VPS13B: variants seen among roughly 807,000 people sequenced by gnomAD.
The protein encoded by VPS13B is intermembrane lipid transfer protein VPS13B.
In VPS13B, 285 loss-of-function variants were observed where a neutral mutation model predicts 426.4. The ratio of observed to expected loss-of-function variants is 0.67; its 90% CI spans 0.61 to 0.74. The LOEUF is 0.74. VPS13B is among the 30% of genes least tolerant of loss of function. The pLI is 0.00. For missense variants in VPS13B, 4,537 were observed against 4,782.6 expected (o/e 0.95, Z 1.51); for synonymous variants, 1,676 against 1,676.4 (o/e 1.00, Z 0.01).
In VPS13B at chr8:99,832,366, T is replaced by TTTTTTTTTTTTC; in HGVS notation, c.9331-3_9331-2insTTTTTTTTTTTC. 6.8e-7 allele frequency: 1 copy of TTTTTTTTTTTTC among 1,462,310 alleles called. No homozygotes were observed. The highest frequency in any genetic ancestry group is 9.0e-7 in the Non-Finnish European group (1 of 1,105,360). 90.6% of individuals were successfully genotyped at this position (1,462,310 alleles called of 1,614,324 possible). On this transcript the variant is annotated splice_region_variant and splice_polypyrimidine_tract_variant and intron_variant, in intron 51 of 61. Transcript: ENST00000357162. ...ATTTTTTTTTTTTTTTTTTTTTTTT[T>TTTTTTTTTTTTC]AGTATTTTCGTGTTCCAGACAGTGC...
chr8:99,873,879 G>A (rs146229960), intron 61 of VPS13B, among the ~76,000 whole-genome samples: 332 of 152,266 alleles, frequency 2.2e-3, no homozygotes, highest in African/African-American at 7.4e-3. Context: ...CCTGTCTGCC[G>A]TGAACACTTC....
At chr8:99,459,558 C>T (rs538206161) in intron 23 of VPS13B, among the ~76,000 whole-genome samples, 1 of 152,282 alleles carries the variant, frequency 6.6e-6, no homozygotes, top group South Asian at 2.1e-4. Context: ...TCTTAGGCTA[C>T]AAACCTGTAC....
chr8:99,048,506 A>C (rs1414859029), intron 3 of VPS13B, among the ~76,000 whole-genome samples: 2 of 152,024 alleles, frequency 1.3e-5, no homozygotes, highest in Non-Finnish European at 2.9e-5. Flanking sequence ...ATCTGGTAGT[A>C]ATTGTTTTAT....
intron 19 of VPS13B, among the ~76,000 whole-genome samples, chr8:99,376,387 G>C (rs1563695532): frequency 6.6e-6 from 1 of 152,120 alleles, no homozygotes; most frequent in East Asian, 1.9e-4. Context: ...CCAAATTGAT[G>C]TTAAATCAAT....
At chr8:99,506,346 C>G (rs974313161) in intron 27 of VPS13B, among the ~76,000 whole-genome samples, 2 of 152,102 alleles carry the variant, frequency 1.3e-5, no homozygotes, top group Non-Finnish European at 2.9e-5. Flanking sequence ...GTGTCTGTAT[C>G]AAAATGATCT....
At chr8:99,716,843 G>A (rs1449844581) in intron 36 of VPS13B, among the ~76,000 whole-genome samples, 1 of 152,146 alleles carries the variant, frequency 6.6e-6, no homozygotes, top group African/African-American at 2.4e-5. Context: ...ATAGACAAAT[G>A]AAGCAGCTGT....
intron 30 of VPS13B, among the ~76,000 whole-genome samples, chr8:99,533,565 T>C (rs1823043308): frequency 6.6e-6 from 1 of 152,204 alleles, no homozygotes; most frequent in African/African-American, 2.4e-5. Context: ...TGTCTTGTTT[T>C]ACATATATAC....
intron 30 of VPS13B, among the ~76,000 whole-genome samples, chr8:99,543,075 C>T (rs755415802): frequency 2.6e-5 from 4 of 152,270 alleles, no homozygotes; most frequent in Admixed American, 6.5e-5. Flanking sequence ...TACAAGGCTA[C>T]AGTAACCAAA....
At chr8:99,761,366 A>G (rs1810921560) in intron 39 of VPS13B, among the ~76,000 whole-genome samples, 1 of 152,216 alleles carries the variant, frequency 6.6e-6, no homozygotes, top group Non-Finnish European at 1.5e-5. Context: ...CTCTTACTTT[A>G]GGCTCCCAGA....
chr8:99,315,109 T>TAA, intron 19 of VPS13B, among the ~76,000 whole-genome samples: 1 of 152,260 alleles, frequency 6.6e-6, no homozygotes, highest in East Asian at 1.9e-4. Context: ...ACATTCAAGG[T>TAA]TTTTAAAAAT....
chr8:99,031,259 A>G (rs1358241121), intron 2 of VPS13B, among the ~76,000 whole-genome samples: 1 of 151,944 alleles, frequency 6.6e-6, no homozygotes, highest in Non-Finnish European at 1.5e-5. Flanking sequence ...TTTATGGCAT[A>G]TATCTGTTCG....
intron 33 of VPS13B, among the ~76,000 whole-genome samples, chr8:99,616,400 T>C (rs1238751155): frequency 6.6e-6 from 1 of 152,160 alleles, no homozygotes; most frequent in Non-Finnish European, 1.5e-5. Flanking sequence ...CAGTTCTGCC[T>C]ATAGGGGTGA....
intron 31 of VPS13B, among the ~76,000 whole-genome samples, chr8:99,557,655 T>A (rs918771863): frequency 6.6e-6 from 1 of 152,186 alleles, no homozygotes; most frequent in Non-Finnish European, 1.5e-5. Flanking sequence ...TTTGAAAAGA[T>A]ACCTAGTGGT....
At chr8:99,031,113 T>A (rs1331624356) in intron 2 of VPS13B, among the ~76,000 whole-genome samples, 1 of 152,092 alleles carries the variant, frequency 6.6e-6, no homozygotes, top group Non-Finnish European at 1.5e-5. Flanking sequence ...AGGTGAAGAT[T>A]TCCTGTATTT....
rs147099791 is a variant in VPS13B at position 99,717,246 on chromosome 8, G to T, written c.6530G>T (p.Arg2177Leu). Residue 2177 changes from arginine (R) to leucine (L), a missense_variant, in exon 37 of 62, where the codon CGC (arginine) becomes CTC (leucine). Physicochemically the swap from Arg to Leu is moderately radical, Grantham distance 102. Around this residue, in one of 2 missense-constraint regions of VPS13B, gnomAD observed 4,311 missense variants for 4,474.3 expected, o/e 0.96. Coordinates refer to ENST00000357162, the MANE Select transcript of VPS13B (RefSeq NM_152564.5). ...LLKTSLKERS[R>L]ILIGPCCATA... Reference sequence around the variant, plus strand: ...AAAACAAGTCTCAAAGAAAGAAGCCGCATTCTGATAGGACCATGTTGTGCT... The same window carrying T: ...AAAACAAGTCTCAAAGAAAGAAGCCTCATTCTGATAGGACCATGTTGTGCT... 1.5e-5 allele frequency: 24 copies of T among 1,613,734 alleles called. No individual in the cohort carries two copies. The highest frequency in any genetic ancestry group is 2.0e-5 in the Non-Finnish European group (24 of 1,179,922).
intron 17 of VPS13B, among the ~76,000 whole-genome samples, chr8:99,222,774 T>C (rs1377803544): frequency 1.3e-5 from 2 of 152,212 alleles, no homozygotes; most frequent in African/African-American, 4.8e-5. Context: ...ATACAAAAGA[T>C]GGCCATTACA....
In VPS13B at chr8:99,776,818, G is replaced by A. The variant is rs138405323; in HGVS notation, c.7291G>A (p.Val2431Met). ...TTCTCAAAGCACTTGTGATCCACTT[G>A]TGACTCCAACAGCCCTGGCTGCCTG... ...SGSQSTCDPL[V>M]TPTALAACTR... Residue 2431 changes from valine (V) to methionine (M), a missense_variant, in exon 41 of 62, where the codon GTG (valine) becomes ATG (methionine). Val to Met is a conservative substitution (Grantham distance 21). This residue lies in a region of VPS13B where 4,311 missense variants were observed against 4,474.3 expected (regional missense o/e 0.96). Coordinates refer to ENST00000357162, the MANE Select transcript of VPS13B (RefSeq NM_152564.5). 188 of 1,613,958 alleles carry A rather than the reference G, an allele frequency of 1.2e-4. 1 individual carries two copies. The highest frequency in any genetic ancestry group is 1.5e-4 in the Non-Finnish European group (181 of 1,179,942).
chr8:99,351,435 AGTGTGT>A (rs1024531389), intron 19 of VPS13B, among the ~76,000 whole-genome samples: 1 of 145,654 alleles, frequency 6.9e-6, no homozygotes, highest in Non-Finnish European at 1.5e-5. Flanking sequence ...AGAGAGAGAG[AGTGTGT>A]GTGTGTGTGT....
chr8:99,696,321 C>A, intron 35 of VPS13B: 2 of 248,254 alleles, frequency 8.1e-6, no homozygotes, highest in South Asian at 1.1e-4. Flanking sequence ...ATAAGTCGCT[C>A]GGGCAGAGGG....
Sources: allele counts gnomAD v4.1 joint callset (sites outside exome capture counted in the v4.1 genomes callset), GRCh38; gene constraint gnomAD v4.1.1; regional missense constraint gnomAD v4.1.1; transcripts MANE v1.5; gene names NCBI Gene and HGNC (gene_info 2026-07-23, HGNC 2026-07-21).